The following MYO16 variants were observed in gnomAD, a reference collection of about 807,000 sequenced individuals.
MYO16 encodes the protein myosin XVI.
MYO16 carries 94 observed loss-of-function variants against 205.3 expected under a neutral mutation model. The ratio of observed to expected loss-of-function variants is 0.46; its 90% confidence interval spans 0.39 to 0.54. The LOEUF is 0.54. MYO16 is among the 20% of genes least tolerant of loss of function. The pLI, the probability that MYO16 is intolerant of heterozygous loss-of-function variation, is 0.00. For synonymous variants in MYO16, 988 were observed against 954.0 expected, an observed-to-expected ratio of 1.04 and a Z score of -0.66; for missense variants, 2,315 against 2,387.5, an observed-to-expected ratio of 0.97 and a Z score of 0.63.
rs536495574 is a variant in MYO16, at chr13:109,012,527, G to A, written c.2595+3478G>A. ...TATATATTACAATGTAATAATCACAGAAATAAAGGGCACAATAAATGTAAT... is the reference window on the plus strand; with the variant it reads ...TATATATTACAATGTAATAATCACAAAAATAAAGGGCACAATAAATGTAAT... On this transcript the variant is annotated intron_variant, in intron 22 of 34. Coordinates refer to ENST00000457511, the MANE Select transcript of MYO16 (RefSeq NM_001198950.3). Among the ~76,000 whole-genome samples, 12 of 152,196 alleles carry A rather than the reference G, an allele frequency of 7.9e-5. No homozygotes were observed. The East Asian group carries it at 2.1e-3, about 27-fold the overall frequency.
the MYO16 span, among the ~76,000 whole-genome samples, chr13:108,580,935 G>T: frequency 6.6e-6 from 1 of 152,156 alleles, no homozygotes; most frequent in African/African-American, 2.4e-5. Flanking sequence ...AGAATACTGA[G>T]AAAAATGAAA....
the MYO16 span, among the ~76,000 whole-genome samples, chr13:108,574,708 T>TGTGC: frequency 0.019 from 1,524 of 81,724 alleles, 26 homozygotes; most frequent in African/African-American, 0.055. Flanking sequence ...TGTGTGTGTG[T>TGTGC]GCGCTTGTGT....
In MYO16 at chr13:108,898,120, A is replaced by G. The variant is rs150706800; in HGVS notation, c.1764A>G (p.Gln588=). The change falls in exon 15 of 35, where the codon CAA becomes CAG. Residue 588 remains glutamine, a synonymous_variant. Transcript: ENST00000457511. The part of the protein sequence containing the change: ...YFELQFCERK[Q]QLTGARIYTY... The stretch of plus-strand genomic sequence containing the variant: ...AACTGCAGTTCTGTGAGAGGAAACA[A>G]CAGCTAACCGGAGGTAAGTGCAGTA... 9.8e-5 allele frequency: 158 copies of G among 1,610,682 alleles called. No individual in the cohort carries two copies. The highest frequency in any genetic ancestry group is 1.6e-4 in the Middle Eastern group (1 of 6,074).
In MYO16 at chr13:108,751,060, TTC is replaced by T. The variant is rs1491313936; in HGVS notation, c.507+23478_507+23479del. ...GTGTATAAATATATATATATGTGTGTTCACACACACACACACACACACACACA... is the reference window on the plus strand; with the variant it reads ...GTGTATAAATATATATATATGTGTGTACACACACACACACACACACACACA... On this transcript the variant is annotated intron_variant, in intron 4 of 34. Transcript: ENST00000457511. Among the ~76,000 whole-genome samples, 8 of 84,302 alleles carry T rather than the reference TTC, an allele frequency of 9.5e-5. No homozygotes were observed. In the South Asian group the frequency reaches 2.6e-3, roughly 28 times the overall value. The allele number at this position is 84,302 out of a possible 152,430, so 55.3% of individuals were successfully genotyped here.
intron 14 of MYO16, among the ~76,000 whole-genome samples, chr13:108,896,094 T>C (rs1880400380): frequency 6.6e-6 from 1 of 152,162 alleles, no homozygotes. Context: ...TTTCCCTATA[T>C]TGACTGTTAG....
chr13:108,726,505 G>C (rs1295566932), intron 3 of MYO16, among the ~76,000 whole-genome samples: 1 of 151,536 alleles, frequency 6.6e-6, no homozygotes, highest in South Asian at 2.1e-4. Flanking sequence ...GTTGCAGTGA[G>C]CTGAGATCGC....
At chr13:108,548,037 G>A in the MYO16 span, among the ~76,000 whole-genome samples, 1 of 152,118 alleles carries the variant, frequency 6.6e-6, no homozygotes, top group African/African-American at 2.4e-5. Context: ...TCTCCTAAAT[G>A]CCCTAACATA....
chr13:108,613,663 A>C (rs1458973730), intron 1 of MYO16, among the ~76,000 whole-genome samples: 1 of 152,178 alleles, frequency 6.6e-6, no homozygotes, highest in African/African-American at 2.4e-5. Context: ...ACTATGACCA[A>C]GTTGGACTTA....
chr13:108,823,048 G>T (rs1373798135), intron 8 of MYO16, 77 bp from the exon 9 acceptor site: 3 of 1,334,592 alleles, frequency 2.2e-6, no homozygotes, highest in South Asian at 1.4e-5. Flanking sequence ...AAGCATATCG[G>T]AATTATTGAA....
chr13:109,204,978 A>C (rs1044600963), intron 34 of MYO16, among the ~76,000 whole-genome samples: 2 of 152,188 alleles, frequency 1.3e-5, no homozygotes, highest in African/African-American at 4.8e-5. Flanking sequence ...GAGTAGAAGC[A>C]ATCTGGCTTC....
intron 1 of MYO16, among the ~76,000 whole-genome samples, chr13:108,615,498 T>G (rs559086244): frequency 6.6e-6 from 1 of 152,076 alleles, no homozygotes; most frequent in Non-Finnish European, 1.5e-5. Context: ...AACCTGAACA[T>G]GAATGAATAT....
At chr13:109,181,273 T>C (rs546707570) in intron 34 of MYO16, among the ~76,000 whole-genome samples, 30 of 152,376 alleles carry the variant, frequency 2.0e-4, no homozygotes, top group African/African-American at 7.0e-4. Flanking sequence ...CTGAAAACCA[T>C]GCTTATTTTC....
chr13:108,702,638 A>T (rs1179740992), intron 2 of MYO16, among the ~76,000 whole-genome samples: 1 of 152,198 alleles, frequency 6.6e-6, no homozygotes, highest in East Asian at 1.9e-4. Context: ...AGTAAATATA[A>T]AAAAACAGTA....
chr13:108,622,432 C>T (rs994970225), intron 1 of MYO16, among the ~76,000 whole-genome samples: 1 of 152,078 alleles, frequency 6.6e-6, no homozygotes, highest in Non-Finnish European at 1.5e-5. Flanking sequence ...AGGAAGTTTA[C>T]TGAAATAGAA....
At chr13:108,866,287 C>T (rs1566377384) in intron 12 of MYO16, 45 bp downstream of exon 12, 1 of 1,235,462 alleles carries the variant, frequency 8.1e-7, no homozygotes, top group South Asian at 1.5e-5. Context: ...TAGAGTAATA[C>T]TTTCTAGTCA....
chr13:108,885,599 G>A (rs1319577359), intron 13 of MYO16, among the ~76,000 whole-genome samples: 1 of 152,226 alleles, frequency 6.6e-6, no homozygotes, highest in Admixed American at 6.5e-5. Flanking sequence ...GAGACAGGGA[G>A]AGTTTAACAC....
At chr13:109,195,639 A>T (rs1880123273) in intron 34 of MYO16, among the ~76,000 whole-genome samples, 1 of 152,186 alleles carries the variant, frequency 6.6e-6, no homozygotes, top group South Asian at 2.1e-4. Flanking sequence ...GTCAGCCAAG[A>T]CATTTCCTTC....
chr13:109,151,538 G>C (rs1877664736), intron 32 of MYO16, among the ~76,000 whole-genome samples: 1 of 152,164 alleles, frequency 6.6e-6, no homozygotes, highest in Non-Finnish European at 1.5e-5. Context: ...GAGAATTTGT[G>C]CATTACCTGA....
chr13:108,981,763 G>T (rs1884453800), intron 20 of MYO16, among the ~76,000 whole-genome samples: 1 of 152,218 alleles, frequency 6.6e-6, no homozygotes, highest in South Asian at 2.1e-4. Context: ...TGAGTTTTGT[G>T]GTGCTTGGTT....
Sources: gnomAD v4.1 joint callset for allele counts (sites outside exome capture counted in the v4.1 genomes callset) on GRCh38, gnomAD v4.1.1 for gene constraint, MANE v1.5 for transcripts, NCBI Gene and HGNC (gene_info 2026-07-23, HGNC 2026-07-21) for gene names.